Variants in PRDM15 observed in about 807,000 individuals in gnomAD.
PRDM15 encodes the protein PR/SET domain 15.
PRDM15 carries 64 observed loss-of-function variants against 128.6 expected under a neutral mutation model. The observed-to-expected ratio is 0.50, with a 90% confidence interval of 0.41 to 0.61. The LOEUF is 0.61. Among genes scored for constraint, PRDM15 ranks in the 20% least tolerant of loss-of-function variants. PRDM15 has a pLI of 0.00. For synonymous variants in PRDM15, 615 were observed against 621.8 expected, an observed-to-expected ratio of 0.99 and a Z score of 0.16; for missense variants, 1,242 against 1,569.1, an observed-to-expected ratio of 0.79 and a Z score of 3.52.
At chr21:41,805,837 C>T (rs533487337) in intron 21 of PRDM15, among the ~76,000 whole-genome samples, 71 of 151,230 alleles carry the variant, frequency 4.7e-4, no homozygotes, top group Non-Finnish European at 8.3e-4. Flanking sequence ...ACCATCACCA[C>T]CAACACAACC....
At chr21:41,806,201 CCATCACCAT>C (rs2061594584) in intron 21 of PRDM15, among the ~76,000 whole-genome samples, 1 of 3,782 alleles carries the variant, frequency 2.6e-4, no homozygotes, top group Non-Finnish European at 5.5e-4. Flanking sequence ...ACCACCACCA[CCATCACCAT>C]CACCATCACC....
At position 41,811,088 on chromosome 21, in the gene PRDM15, A is replaced by G. The variant is rs1399091048; in HGVS notation, c.2393-252T>C. On this transcript the variant is annotated intron_variant, in intron 19 of 23. Coordinates refer to ENST00000398548, the MANE Select transcript of PRDM15 (RefSeq NM_001040424.3). The surrounding 1 kb of genome is among the most constrained non-coding windows in gnomAD (Gnocchi z 4.1). ...TGTGGGAAAGGCTGTCTGAAAACAC[A>G]GACAGAAAGTGGAACCCACATGTGG... is the stretch of plus-strand genomic sequence containing the variant. The G allele has an allele frequency of 6.2e-6, 3 of 482,544 alleles. No homozygotes were observed. In the Admixed American group the frequency reaches 9.7e-5, roughly 16 times the overall value. The allele number at this position is 482,544 out of a possible 1,614,324, so 29.9% of individuals were successfully genotyped here. A position where few individuals can be genotyped will look rare whatever the true frequency, so the allele number is the denominator to read the frequency against.
At chr21:41,834,102 T>C (rs2146547744) in intron 11 of PRDM15, among the ~76,000 whole-genome samples, 1 of 152,246 alleles carries the variant, frequency 6.6e-6, no homozygotes, top group East Asian at 1.9e-4. Flanking sequence ...ACACTGGAAA[T>C]TCATCCAGAA....
intron 1 of PRDM15, among the ~76,000 whole-genome samples, chr21:41,874,525 A>ATATATATATATATATT: frequency 1.0e-5 from 1 of 95,828 alleles, no homozygotes; most frequent in Admixed American, 1.2e-4. Context: ...ATATATATAT[A>ATATATATATATATATT]TTTTTTTTTT....
At position 41,810,115 on chromosome 21, in the gene PRDM15, C is replaced by T. The variant is rs372031961; in HGVS notation, c.2652+39G>A. On this transcript the variant is annotated intron_variant, in intron 21 of 23. Coordinates refer to ENST00000398548, the MANE Select transcript of PRDM15 (RefSeq NM_001040424.3). The surrounding 1 kb of genome is among the most constrained non-coding windows in gnomAD (Gnocchi z 6.4). ...GCATGGGGGTGTCCGGTGCGCGGCC[C>T]GCTGGCGGGGCACGGAGGGGGCACA... is the stretch of plus-strand genomic sequence containing the variant. The T allele has an allele frequency of 2.3e-5, 37 of 1,580,318 alleles. No individual in the cohort carries two copies. The highest frequency in any genetic ancestry group is 8.1e-5 in the African/African-American group (6 of 74,462).
chr21:41,873,212 T>C (rs1433697870), intron 1 of PRDM15, among the ~76,000 whole-genome samples: 1 of 152,204 alleles, frequency 6.6e-6, no homozygotes, highest in Non-Finnish European at 1.5e-5. Context: ...CTGAGCCTCG[T>C]TGCTCCCCTT....
At position 41,810,671 on chromosome 21, in the gene PRDM15, G is replaced by GT; in HGVS notation, c.2476+81dup. On this transcript the variant is annotated intron_variant, in intron 20 of 23. Coordinates refer to ENST00000398548, the MANE Select transcript of PRDM15 (RefSeq NM_001040424.3). The surrounding 1 kb of genome is among the most constrained non-coding windows in gnomAD (Gnocchi z 6.4). ...GAACCGTCTAGATAATAGAATAGTCGTTTCCACCCCAGCAGGCACTCAGAC... is the reference window on the plus strand; with the variant it reads ...GAACCGTCTAGATAATAGAATAGTCGTTTTCCACCCCAGCAGGCACTCAGAC... 9.1e-7 allele frequency: 1 copy of GT among 1,096,390 alleles called. No homozygotes were observed. Among genetic ancestry groups the GT allele is most frequent in the Middle Eastern group, 2.2e-4 (1 of 4,646 alleles). 67.9% of individuals were successfully genotyped at this position (1,096,390 alleles called of 1,614,324 possible). A position where few individuals can be genotyped will look rare whatever the true frequency, so the allele number is the denominator to read the frequency against.
chr21:41,874,878 G>A (rs991936307), intron 1 of PRDM15: 9 of 152,194 alleles, frequency 5.9e-5, no homozygotes, highest in South Asian at 2.1e-4. Context: ...TGAGAAAGCC[G>A]AGCTCCAGTT....
intron 8 of PRDM15, 130 bp downstream of exon 8, chr21:41,837,804 C>G (rs1568959067): frequency 1.2e-6 from 1 of 851,928 alleles, no homozygotes; most frequent in Non-Finnish European, 1.9e-6. Context: ...CTGCTGCCTC[C>G]TCAGCAGGTC....
At chr21:41,865,222 T>TCCCCACTCCCCACTCC (rs2063966118) in intron 1 of PRDM15, among the ~76,000 whole-genome samples, 1 of 151,732 alleles carries the variant, frequency 6.6e-6, no homozygotes, top group Non-Finnish European at 1.5e-5. Flanking sequence ...CACTCCTCAG[T>TCCCCACTCCCCACTCC]CTTAGCTTAA....
At position 41,821,322 on chromosome 21, in the gene PRDM15, C is replaced by T. The variant is rs1024169484; in HGVS notation, c.1897-92G>A. The T allele has an allele frequency of 5.4e-5, 78 of 1,447,916 alleles. No individual in the cohort carries two copies. Among genetic ancestry groups the T allele is most frequent in the Middle Eastern group, 2.4e-4 (1 of 4,242 alleles). The allele number at this position is 1,447,916 out of a possible 1,614,324, so 89.7% of individuals were successfully genotyped here. A position where few individuals can be genotyped will look rare whatever the true frequency, so the allele number is the denominator to read the frequency against. ...GGTCGTGTCCACAAACCAGGGCACC[C>T]GACACGCCCTGAGAGCCCATGACTC... On this transcript the variant is annotated intron_variant, in intron 15 of 23. Coordinates refer to ENST00000398548, the MANE Select transcript of PRDM15 (RefSeq NM_001040424.3). This position sits in a 1 kb window ranked among gnomAD's most constrained non-coding sequence, Gnocchi z 5.4.
chr21:41,875,918 G>A (rs1174524708), intron 1 of PRDM15, among the ~76,000 whole-genome samples: 2 of 152,152 alleles, frequency 1.3e-5, no homozygotes, highest in African/African-American at 4.8e-5. Flanking sequence ...ACATGATAGA[G>A]TGTACATACA....
chr21:41,869,515 C>T (rs1428658879), intron 1 of PRDM15, among the ~76,000 whole-genome samples: 1 of 150,868 alleles, frequency 6.6e-6, no homozygotes, highest in African/African-American at 2.4e-5. Context: ...GGTGCGATCT[C>T]GGCTCACCAC....
At chr21:41,814,203 T>A (rs2061963052) in intron 19 of PRDM15, 1 of 77,446 alleles carries the variant, frequency 1.3e-5, no homozygotes, top group Non-Finnish European at 2.7e-5. Context: ...GGTGCTCTAG[T>A]GTTTTATGAG....
At chr21:41,850,281 GC>G (rs531808997) in intron 5 of PRDM15, among the ~76,000 whole-genome samples, 3 of 149,456 alleles carry the variant, frequency 2.0e-5, no homozygotes, top group Non-Finnish European at 4.5e-5. Context: ...CTGGCATGGT[GC>G]CCCCCCACAC....
At chr21:41,812,423 G>A (rs2061894433) in intron 19 of PRDM15, 1 of 152,334 alleles carries the variant, frequency 6.6e-6, no homozygotes, top group African/African-American at 2.4e-5. Flanking sequence ...GCCTTGTGGT[G>A]GAAACAGGTT....
intron 11 of PRDM15, 22 bp downstream of exon 11, chr21:41,835,415 G>T (rs373822669): frequency 6.3e-7 from 1 of 1,594,224 alleles, no homozygotes; most frequent in Non-Finnish European, 8.5e-7. Flanking sequence ...CGGCCGAGGG[G>T]AGACGTGACC....
intron 4 of PRDM15, among the ~76,000 whole-genome samples, chr21:41,855,416 T>C (rs563412883): frequency 1.3e-5 from 2 of 152,314 alleles, no homozygotes; most frequent in South Asian, 4.1e-4. Context: ...ACCACATGAC[T>C]ATAGGAGGGT....
Position 41,810,107 on chromosome 21 carries a change from G to A in PRDM15, c.2652+47C>T, listed in dbSNP as rs764265376. 16 of 1,566,320 alleles carry A rather than the reference G, an allele frequency of 1.0e-5. No individual in the cohort carries two copies. Among genetic ancestry groups the A allele is most frequent in the Non-Finnish European group, 1.2e-5 (14 of 1,156,436 alleles). On this transcript the variant is annotated intron_variant, in intron 21 of 23. Coordinates refer to ENST00000398548, the MANE Select transcript of PRDM15 (RefSeq NM_001040424.3). The surrounding 1 kb of genome is among the most constrained non-coding windows in gnomAD (Gnocchi z 6.4). Reference sequence around the variant, plus strand: ...ATGTGCCAGCATGGGGGTGTCCGGTGCGCGGCCCGCTGGCGGGGCACGGAG... The same window carrying A: ...ATGTGCCAGCATGGGGGTGTCCGGTACGCGGCCCGCTGGCGGGGCACGGAG...
Sources: allele counts gnomAD v4.1 joint callset (sites outside exome capture counted in the v4.1 genomes callset), GRCh38; gene constraint gnomAD v4.1.1; non-coding constraint Gnocchi (gnomAD v3.1); transcripts MANE v1.5; gene names NCBI Gene and HGNC (gene_info 2026-07-23, HGNC 2026-07-21).